METTL22: variants seen among roughly 807,000 people sequenced by gnomAD.
METTL22 encodes the protein methyltransferase 22, Kin17 lysine.
Under a neutral mutation model 48.4 loss-of-function variants are expected in METTL22, and 51 were observed. That is an observed-to-expected ratio of 1.05 (90% CI 0.84 to 1.33). The LOEUF (loss-of-function observed/expected upper bound fraction) is 1.33, where lower values mean the gene tolerates loss of function less well. Ranked by LOEUF, METTL22 falls within the 40% of genes most tolerant of loss-of-function variation. The probability of loss-of-function intolerance (pLI) is 0.00; values close to 1 mark genes in which losing one functional copy is unlikely to be tolerated. For missense variants in METTL22, 678 were observed against 526.9 expected, an observed-to-expected ratio of 1.29 and a Z score of -2.81; for synonymous variants, 255 against 214.1, an observed-to-expected ratio of 1.19 and a Z score of -1.67.
At chr16:8,634,704 G>A (rs2056370016) in intron 3 of METTL22, among the ~76,000 whole-genome samples, 1 of 152,014 alleles carries the variant, frequency 6.6e-6, no homozygotes, top group East Asian at 1.9e-4. Context: ...GCAATTATTG[G>A]TCATGAAAAA....
intron 7 of METTL22, chr16:8,641,529 A>G: frequency 3.9e-6 from 2 of 510,882 alleles, no homozygotes; most frequent in Non-Finnish European, 7.6e-6. Context: ...TGGGGCACAG[A>G]CCATTTCCCA....
the METTL22 span, among the ~76,000 whole-genome samples, chr16:8,656,040 G>C: frequency 1.6e-4 from 24 of 152,172 alleles, no homozygotes; most frequent in Non-Finnish European, 2.4e-4. Context: ...CCAAAGTATG[G>C]CGAGTTAGGA....
downstream of METTL22, among the ~76,000 whole-genome samples, chr16:8,652,679 A>T (rs969551015): frequency 2.8e-4 from 7 of 25,180 alleles, no homozygotes; most frequent in African/African-American, 4.5e-4. Context: ...TAATTATTTT[A>T]AAAAAAAAAT....
rs1251541512 is a variant in METTL22 at position 8,646,536 on chromosome 16, A to T, written c.*393A>T. On this transcript the variant is annotated 3_prime_UTR_variant, in exon 11 of 11. Coordinates refer to ENST00000381920, the MANE Select transcript of METTL22 (RefSeq NM_024109.4). Reference sequence around the variant, plus strand: ...TCAGCTGTTTACAGATGGGTTGACTACCACTGCCAGTATTGCCATCATATT... The same window carrying T: ...TCAGCTGTTTACAGATGGGTTGACTTCCACTGCCAGTATTGCCATCATATT... The T allele has an allele frequency of 6.1e-6, 3 of 493,826 alleles. No homozygotes were observed. In the Admixed American group the frequency reaches 6.9e-5, roughly 11 times the overall value. 30.6% of individuals were successfully genotyped at this position (493,826 alleles called of 1,614,324 possible).
At chr16:8,635,730 T>C (rs1226304490) in intron 5 of METTL22, among the ~76,000 whole-genome samples, 1 of 152,218 alleles carries the variant, frequency 6.6e-6, no homozygotes, top group African/African-American at 2.4e-5. Flanking sequence ...TACATAAAAA[T>C]TACTCATAAT....
chr16:8,631,182 G>A (rs1354657056), intron 3 of METTL22: 1 of 152,118 alleles, frequency 6.6e-6, no homozygotes, highest in Non-Finnish European at 1.5e-5. Context: ...TCAAGTTATA[G>A]ACCCATTTGA....
At chr16:8,623,960 A>G (rs1256980828) in intron 1 of METTL22, 1 of 152,298 alleles carries the variant, frequency 6.6e-6, no homozygotes, top group East Asian at 1.9e-4. Flanking sequence ...CCTGAAACCA[A>G]CCCCAGGACA....
intron 5 of METTL22, 130 bp downstream of exon 5, chr16:8,635,442 C>T: frequency 8.8e-7 from 1 of 1,136,746 alleles, no homozygotes; most frequent in South Asian, 1.8e-5. Context: ...ATCCTGGTCC[C>T]CTGGCCCTCT....
intron 9 of METTL22, 169 bp from the exon 10 acceptor site, chr16:8,644,388 A>G: frequency 1.6e-6 from 1 of 608,952 alleles, no homozygotes; most frequent in East Asian, 3.0e-5. Flanking sequence ...GCTGTCGTGC[A>G]GATGTAGGAA....
chr16:8,666,768 C>CTTT, the METTL22 span: 2 of 103,284 alleles, frequency 1.9e-5, no homozygotes, highest in African/African-American at 7.9e-5. Flanking sequence ...ATTTTCTTTT[C>CTTT]TTTCTTTCTT....
Position 8,625,538 on chromosome 16 carries a change from G to C in METTL22, c.-128G>C, listed in dbSNP as rs1479626193. The C allele has an allele frequency of 4.0e-6, 3 of 743,568 alleles. No homozygotes were observed. The highest frequency in any genetic ancestry group is 3.2e-5 in the Admixed American group (1 of 31,138). 46.1% of individuals were successfully genotyped at this position (743,568 alleles called of 1,614,324 possible). ...GCCAAGTCTCTGAGATCTTCTCCCA[G>C]GGCGATGCAAAGCTACTCGCTACCA... On this transcript the variant is annotated 5_prime_UTR_variant, in exon 2 of 11. Coordinates refer to ENST00000381920, the MANE Select transcript of METTL22 (RefSeq NM_024109.4).
intron 9 of METTL22, 71 bp from the exon 10 acceptor site, chr16:8,644,486 A>T: frequency 6.9e-7 from 1 of 1,450,888 alleles, no homozygotes; most frequent in African/African-American, 1.4e-5. Context: ...TAGGAAAGCA[A>T]GGTGGGCAGA....
intron 3 of METTL22, 78 bp from the exon 4 acceptor site, chr16:8,634,960 GC>G: frequency 1.3e-6 from 2 of 1,585,074 alleles, no homozygotes; most frequent in South Asian, 2.2e-5. Context: ...GCTGGCGGTT[GC>G]CACACTGTCC....
intron 3 of METTL22, among the ~76,000 whole-genome samples, chr16:8,633,195 C>T (rs530120792): frequency 2.0e-5 from 3 of 152,286 alleles, no homozygotes; most frequent in East Asian, 1.9e-4. Context: ...AAGCCTTCAG[C>T]CTGCCCAGCG....
At chr16:8,634,440 C>T (rs2056361713) in intron 3 of METTL22, among the ~76,000 whole-genome samples, 1 of 152,046 alleles carries the variant, frequency 6.6e-6, no homozygotes, top group African/African-American at 2.4e-5. Context: ...CCCCCCTCCA[C>T]CAGAATTTGA....
At chr16:8,664,567 C>G in the METTL22 span, among the ~76,000 whole-genome samples, 1 of 152,156 alleles carries the variant, frequency 6.6e-6, no homozygotes, top group Non-Finnish European at 1.5e-5. Flanking sequence ...AGTGCTCCCA[C>G]CTTGGCCTCC....
the METTL22 span, among the ~76,000 whole-genome samples, chr16:8,661,413 A>G: frequency 0.8 from 116,235 of 145,172 alleles, 47,750 homozygotes; most frequent in East Asian, 1. Context: ...TTGGGAGGCC[A>G]AGGCGGGCAG....
At chr16:8,652,400 A>C (rs1054705911), downstream of METTL22, among the ~76,000 whole-genome samples, 3 of 144,334 alleles carry the variant, frequency 2.1e-5, no homozygotes, top group African/African-American at 7.7e-5. Flanking sequence ...TCGAGGTTGC[A>C]ATGAGCCGAG....
intron 9 of METTL22, 177 bp downstream of exon 9, chr16:8,642,742 C>G: frequency 1.5e-6 from 1 of 660,664 alleles, no homozygotes; most frequent in East Asian, 2.7e-5. Context: ...GAATCTGCAT[C>G]CTAGCCCTGT....
Sources: gnomAD v4.1 joint callset for allele counts (sites outside exome capture counted in the v4.1 genomes callset) on GRCh38, gnomAD v4.1.1 for gene constraint, MANE v1.5 for transcripts, NCBI Gene and HGNC (gene_info 2026-07-23, HGNC 2026-07-21) for gene names.